Variants in COL6A5 observed in about 807,000 individuals in gnomAD.
COL6A5 encodes collagen alpha-5(VI) chain.
A neutral mutation model predicts 65.6 loss-of-function variants in COL6A5; 48 were observed. The ratio of observed to expected loss-of-function variants is 0.73; its 90% CI spans 0.58 to 0.93. COL6A5 has a LOEUF of 0.93. Ranked by LOEUF, COL6A5 falls within the 40% of genes least tolerant of loss-of-function variation. The probability of loss-of-function intolerance (pLI) is 0.00; values close to 1 mark genes in which losing one functional copy is unlikely to be tolerated. For missense variants in COL6A5, 914 were observed against 928.3 expected (o/e 0.98, Z 0.20); for synonymous variants, 291 against 322.8 (o/e 0.90, Z 1.05).
chr3:130,388,568 T>A lies in COL6A5; in HGVS notation c.1862-12T>A, dbSNP rs758824586. ...CCTGGTTATTTCTGGTCTTTTTTTT[T>A]ATAACATGCAGGATGTGAAGACATG... On this transcript the variant is annotated splice_polypyrimidine_tract_variant and intron_variant and NMD_transcript_variant, in intron 5 of 41. Transcript: ENST00000312481. 8.2e-5 allele frequency: 123 copies of A among 1,497,072 alleles called. No homozygotes were observed. Among genetic ancestry groups the A allele is most frequent in the Non-Finnish European group, 9.8e-5 (110 of 1,124,962 alleles). The allele number at this position is 1,497,072 out of a possible 1,614,324, so 92.7% of individuals were successfully genotyped here. A position where few individuals can be genotyped will look rare whatever the true frequency, so the allele number is the denominator to read the frequency against.
chr3:130,459,608 TG>T (rs1183253297), intron 5 of COL6A5, among the ~76,000 whole-genome samples: 3 of 152,014 alleles, frequency 2.0e-5, no homozygotes, highest in Non-Finnish European at 4.4e-5. Context: ...TTAAGGGAAA[TG>T]TTTTAGAAGA....
At chr3:130,362,326 A>ATATATATATATATT (rs1935166422) in intron 1 of COL6A5, among the ~76,000 whole-genome samples, 1 of 4,670 alleles carries the variant, frequency 2.1e-4, no homozygotes, top group Admixed American at 3.1e-3. Context: ...ATATATATAT[A>ATATATATATATATT]TTTTTTTTTT....
At chr3:130,347,805 GATGA>G (rs1577412855) in intron 1 of COL6A5, among the ~76,000 whole-genome samples, 2 of 152,284 alleles carry the variant, frequency 1.3e-5, no homozygotes, top group East Asian at 3.9e-4. Flanking sequence ...AGTTTGCTTT[GATGA>G]TGCCCCTGTC....
chr3:130,403,606 C>T lies in COL6A5; in HGVS notation c.4228-3C>T. ...AAATGTATTGTTCTCTCTTTCTTCC[C>T]AGGGTTCTCAAGGTCTGAAAGGCAG... On this transcript the variant is annotated splice_polypyrimidine_tract_variant and splice_region_variant and intron_variant and NMD_transcript_variant, in intron 12 of 41. Coordinates refer to the COL6A5 transcript ENST00000312481. 6.4e-7 allele frequency: 1 copy of T among 1,550,608 alleles called. No individual in the cohort carries two copies. The highest frequency in any genetic ancestry group is 8.7e-7 in the Non-Finnish European group (1 of 1,146,434).
chr3:130,354,806 G>T (rs185156555), intron 1 of COL6A5, among the ~76,000 whole-genome samples: 3 of 152,102 alleles, frequency 2.0e-5, no homozygotes, highest in Non-Finnish European at 4.4e-5. Context: ...TTTCCTGCGT[G>T]TTCCATGATT....
intron 24 of COL6A5, 45 bp downstream of exon 24, chr3:130,416,864 A>C: frequency 1.0e-6 from 1 of 969,630 alleles, no homozygotes; most frequent in Non-Finnish European, 1.5e-6. Flanking sequence ...AACATATTTT[A>C]TATTTAATGG....
At chr3:130,474,193 A>G (rs1010375618) in intron 7 of COL6A5, among the ~76,000 whole-genome samples, 12 of 151,948 alleles carry the variant, frequency 7.9e-5, no homozygotes, top group Admixed American at 2.6e-4. Flanking sequence ...TAAGTCTCAG[A>G]CCCTTCCCTA....
intron 4 of COL6A5, among the ~76,000 whole-genome samples, chr3:130,381,690 A>G (rs1935999907): frequency 6.6e-6 from 1 of 152,036 alleles, no homozygotes; most frequent in African/African-American, 2.4e-5. Context: ...TGTAGAGAAA[A>G]TGCTTCCAGG....
chr3:130,382,905 T>G (rs957658292), intron 4 of COL6A5, among the ~76,000 whole-genome samples: 9 of 152,220 alleles, frequency 5.9e-5, no homozygotes, highest in Admixed American at 5.9e-4. Flanking sequence ...CATTCACATC[T>G]TCCAAGTGGT....
Position 130,399,209 on chromosome 3 carries a change from A to G in COL6A5, c.3991+1098A>G, listed in dbSNP as rs114085112. 5.6e-3 allele frequency among the ~76,000 whole-genome samples: 860 copies of G among 152,248 alleles called. 3 individuals are homozygous for G. Among genetic ancestry groups the G allele is most frequent in the African/African-American group, 0.015 (611 of 41,540 alleles). On this transcript the variant is annotated intron_variant and NMD_transcript_variant, in intron 10 of 41. Transcript: ENST00000312481. ...CACAGGCAACCTCCCTAAAGACCAC[A>G]ATATGTCCTGTTTTATTGCTCAGTT...
chr3:130,370,591 C>T (rs1340520513), intron 1 of COL6A5, among the ~76,000 whole-genome samples: 2 of 152,078 alleles, frequency 1.3e-5, no homozygotes, highest in Admixed American at 6.6e-5. Context: ...GAAAATTATT[C>T]ATTTCAGAAG....
chr3:130,448,952 T>A (rs557661958), intron 4 of COL6A5, among the ~76,000 whole-genome samples: 1 of 152,332 alleles, frequency 6.6e-6, no homozygotes, highest in South Asian at 2.1e-4. Context: ...GTATGCCAGG[T>A]TGGACGGCCC....
intron 1 of COL6A5, among the ~76,000 whole-genome samples, chr3:130,350,336 A>G (rs557421833): frequency 2.6e-5 from 4 of 152,200 alleles, no homozygotes; most frequent in Non-Finnish European, 5.9e-5. Context: ...AAAGAAATAA[A>G]AGGTATTCAA....
In COL6A5 at chr3:130,479,999, C is replaced by T. The variant is rs1327226573; in HGVS notation, c.2329-4036C>T. On this transcript the variant is annotated intron_variant, in intron 7 of 7. Transcript: ENST00000512836. ...TTTTGAAAGATTACTGGGTGATTTT[C>T]GGGATATGATTCAGAAAAAAGTCAA... Among the ~76,000 whole-genome samples, 13 of 152,016 alleles carry T rather than the reference C, an allele frequency of 8.6e-5. No homozygotes were observed. In the East Asian group the frequency reaches 1.4e-3, roughly 16 times the overall value.
intron 5 of COL6A5, among the ~76,000 whole-genome samples, chr3:130,461,600 G>A (rs550605459): frequency 1.3e-5 from 2 of 151,970 alleles, no homozygotes; most frequent in African/African-American, 4.8e-5. Flanking sequence ...AACAATGTAT[G>A]CCATGTTGCC....
chr3:130,464,539 G>A (rs534496071), intron 5 of COL6A5, among the ~76,000 whole-genome samples: 3 of 152,184 alleles, frequency 2.0e-5, no homozygotes, highest in African/African-American at 7.2e-5. Context: ...GTAATGGTTA[G>A]TCAACTTCAA....
At chr3:130,476,896 A>G (rs1169629373) in intron 7 of COL6A5, 9 of 693,092 alleles carry the variant, frequency 1.3e-5, no homozygotes, top group African/African-American at 5.3e-5. Flanking sequence ...TCTAGCCAGC[A>G]GCTTGGGTTA....
intron 1 of COL6A5, among the ~76,000 whole-genome samples, chr3:130,365,426 C>G (rs1211565408): frequency 3.3e-5 from 5 of 152,136 alleles, no homozygotes; most frequent in Non-Finnish European, 7.3e-5. Context: ...TACAGGCGCC[C>G]GCTACTACGC....
At chr3:130,439,342 TG>T (rs1709113504) in intron 1 of COL6A5, among the ~76,000 whole-genome samples, 179 bp from the exon 34 acceptor site, 3 of 4,314 alleles carry the variant, frequency 7.0e-4, no homozygotes, top group Admixed American at 5.3e-3. Flanking sequence ...CAGGGGATTG[TG>T]TGTGTGTGTG....
Sources: allele counts gnomAD v4.1 joint callset (sites outside exome capture counted in the v4.1 genomes callset), GRCh38; gene constraint gnomAD v4.1.1; transcripts MANE v1.5; gene names NCBI Gene and HGNC (gene_info 2026-07-23, HGNC 2026-07-21).